The following WDFY2 variants were observed in gnomAD, a reference collection of about 807,000 sequenced individuals.
The protein encoded by WDFY2 is WD repeat and FYVE domain containing 2, also known as WD repeat and FYVE domain-containing protein 2.
A neutral mutation model predicts 56.4 loss-of-function variants in WDFY2; 36 were observed. The ratio of observed to expected loss-of-function variants is 0.64; its 90% CI spans 0.49 to 0.84. The LOEUF is 0.84. WDFY2 is among the 40% of genes least tolerant of loss of function. WDFY2 has a pLI of 0.00. For missense variants in WDFY2, 444 were observed against 512.2 expected (o/e 0.87, Z 1.29); for synonymous variants, 176 against 183.7 (o/e 0.96, Z 0.34).
chr13:51,717,521 G>C (rs1221494846), intron 4 of WDFY2, among the ~76,000 whole-genome samples: 1 of 151,956 alleles, frequency 6.6e-6, no homozygotes, highest in Non-Finnish European at 1.5e-5. Context: ...CCTTGGGCTC[G>C]AATATGGTAG....
chr13:51,624,288 A>G (rs1262407483), intron 1 of WDFY2, among the ~76,000 whole-genome samples: 1 of 152,152 alleles, frequency 6.6e-6, no homozygotes, highest in Non-Finnish European at 1.5e-5. Flanking sequence ...CAGTTTATTT[A>G]ACTGCCCCCA....
chr13:51,709,875 A>G (rs1157595550), intron 4 of WDFY2, among the ~76,000 whole-genome samples: 1 of 152,176 alleles, frequency 6.6e-6, no homozygotes, highest in Non-Finnish European at 1.5e-5. Context: ...AGCTGGTACC[A>G]TTCCTTCTGA....
At chr13:51,618,424 T>G (rs947188241) in intron 1 of WDFY2, among the ~76,000 whole-genome samples, 1 of 152,256 alleles carries the variant, frequency 6.6e-6, no homozygotes, top group Admixed American at 6.5e-5. Flanking sequence ...TATCTTGTTC[T>G]GTGTATCCAC....
rs1459288174 is a variant in WDFY2, at chr13:51,764,643, C to T, written c.*4874C>T. 6.6e-6 allele frequency: 1 copy of T among 152,240 alleles called. No individual in the cohort carries two copies. The highest frequency in any genetic ancestry group is 1.5e-5 in the Non-Finnish European group (1 of 68,044). 9.4% of individuals were successfully genotyped at this position (152,240 alleles called of 1,614,324 possible). On this transcript the variant is annotated 3_prime_UTR_variant, in exon 12 of 12. Transcript: ENST00000298125. The stretch of plus-strand genomic sequence containing the variant: ...ACCACGAGGGGTTTCCCCAGAGGCT[C>T]CTCCTGCAGCCAATGCTACTATTAG...
chr13:51,755,823 T>G (rs1045760654), intron 9 of WDFY2, among the ~76,000 whole-genome samples: 2 of 152,220 alleles, frequency 1.3e-5, no homozygotes, highest in Non-Finnish European at 2.9e-5. Context: ...CTGATTAATT[T>G]TAGTTATTTA....
In WDFY2 at chr13:51,751,397, G is replaced by C; in HGVS notation, c.813G>C (p.Met271Ile). 6.2e-7 allele frequency: 1 copy of C among 1,614,096 alleles called. No individual in the cohort carries two copies. The highest frequency in any genetic ancestry group is 8.5e-7 in the Non-Finnish European group (1 of 1,179,954). Residue 271 changes from methionine (M) to isoleucine (I), a missense_variant, in exon 8 of 12, where the codon ATG becomes ATC. Transcript: ENST00000298125. ...ATGGTGGGATTGTCGTCTGGAACAT[G>C]GACGTGGAGAGGCAGGAGGTAGGTG... ...GGDGGIVVWN[M>I]DVERQETPEW...
At chr13:51,717,244 A>G (rs1952374711) in intron 4 of WDFY2, among the ~76,000 whole-genome samples, 1 of 152,202 alleles carries the variant, frequency 6.6e-6, no homozygotes, top group Non-Finnish European at 1.5e-5. Context: ...TTTCAATAAA[A>G]GAATCTTTTT....
intron 6 of WDFY2, among the ~76,000 whole-genome samples, chr13:51,729,572 A>T (rs1292128848): frequency 6.6e-6 from 1 of 150,450 alleles, no homozygotes; most frequent in African/African-American, 2.4e-5. Flanking sequence ...GTCTTCCTCC[A>T]GCCCATTCTT....
At chr13:51,688,174 T>C (rs1434433502) in intron 3 of WDFY2, among the ~76,000 whole-genome samples, 2 of 152,178 alleles carry the variant, frequency 1.3e-5, no homozygotes, top group Non-Finnish European at 2.9e-5. Flanking sequence ...CTGTTCTGAT[T>C]AGCCGGTGTC....
chr13:51,756,359 G>T lies in WDFY2; in HGVS notation c.961G>T (p.Val321Phe). The change falls in exon 10 of 12, where the codon GTC (valine) becomes TTC (phenylalanine). Residue 321 changes from valine (V) to phenylalanine (F), a missense_variant. Val to Phe is a conservative substitution (Grantham distance 50, BLOSUM62 -1). Transcript: ENST00000298125. ...CCACTGCCGCAAGTGTGGGAAGGCC[G>T]TCTGTGGCAAGTGCAGCTCCAAGCG... ...QHHCRKCGKA[V>F]CGKCSSKRSS... is the part of the protein sequence containing the mutation. 1 of 1,613,870 alleles carries T rather than the reference G, an allele frequency of 6.2e-7. No homozygotes were observed. Among genetic ancestry groups the T allele is most frequent in the Non-Finnish European group, 8.5e-7 (1 of 1,179,856 alleles).
chr13:51,751,453 C>A, intron 8 of WDFY2, 38 bp downstream of exon 8: 1 of 1,551,584 alleles, frequency 6.4e-7, no homozygotes, highest in South Asian at 1.1e-5. Context: ...CCCTGTGGTT[C>A]TGGCCCTGCC....
At chr13:51,737,551 TAAAAAAAA>T (rs67418551) in intron 6 of WDFY2, among the ~76,000 whole-genome samples, 31 of 53,240 alleles carry the variant, frequency 5.8e-4, no homozygotes, top group African/African-American at 1.3e-3. Flanking sequence ...ACAATGAATT[TAAAAAAAA>T]AAAAAAAAAA....
intron 3 of WDFY2, among the ~76,000 whole-genome samples, chr13:51,686,583 C>G (rs1956065973): frequency 6.6e-6 from 1 of 152,006 alleles, no homozygotes; most frequent in African/African-American, 2.4e-5. Context: ...TATTGGCTTT[C>G]TTTTGGTGTT....
chr13:51,704,423 G>A (rs992583), intron 4 of WDFY2, among the ~76,000 whole-genome samples: 73,023 of 152,034 alleles, frequency 0.48, 17,819 homozygotes, highest in Admixed American at 0.55. Flanking sequence ...CATGTATAGT[G>A]TCTGTGCATA....
chr13:51,644,975 T>G (rs1955237964), intron 1 of WDFY2, among the ~76,000 whole-genome samples: 2 of 152,194 alleles, frequency 1.3e-5, no homozygotes, highest in East Asian at 3.8e-4. Context: ...GGGTTTAGGT[T>G]ATTTACTATA....
chr13:51,596,671 A>G (rs1954156697), intron 1 of WDFY2, among the ~76,000 whole-genome samples: 1 of 152,208 alleles, frequency 6.6e-6, no homozygotes, highest in African/African-American at 2.4e-5. Flanking sequence ...GCAAGATTGC[A>G]TTGTTCATAT....
intron 4 of WDFY2, among the ~76,000 whole-genome samples, chr13:51,712,351 G>A (rs1033193076): frequency 6.6e-6 from 1 of 152,108 alleles, no homozygotes; most frequent in Admixed American, 6.5e-5. Context: ...TAAATGACGA[G>A]TTAATGGGTG....
At chr13:51,608,484 C>A (rs1954425750) in intron 1 of WDFY2, among the ~76,000 whole-genome samples, 1 of 152,178 alleles carries the variant, frequency 6.6e-6, no homozygotes, top group Non-Finnish European at 1.5e-5. Flanking sequence ...GAATTTGAGA[C>A]CAGCCTGACC....
chr13:51,642,280 T>A (rs1047430594), intron 1 of WDFY2, among the ~76,000 whole-genome samples: 8 of 148,834 alleles, frequency 5.4e-5, no homozygotes, highest in Non-Finnish European at 1.2e-4. Context: ...CCCTTGAGAT[T>A]TTTATTTTAT....
Sources: gnomAD v4.1 joint callset for allele counts (sites outside exome capture counted in the v4.1 genomes callset) on GRCh38, gnomAD v4.1.1 for gene constraint, MANE v1.5 for transcripts, NCBI Gene and HGNC (gene_info 2026-07-23, HGNC 2026-07-21) for gene names.